The following RFC4 variants were observed in gnomAD, a reference collection of about 807,000 sequenced individuals.
The protein encoded by RFC4 is replication factor C subunit 4, also known as A1 37 kDa subunit.
A neutral mutation model predicts 47.6 loss-of-function variants in RFC4; 38 were observed. The ratio of observed to expected loss-of-function variants is 0.80; its 90% CI spans 0.62 to 1.05. The LOEUF (loss-of-function observed/expected upper bound fraction) is 1.05, where lower values mean the gene tolerates loss of function less well. RFC4 is among the 50% of genes least tolerant of loss of function. The probability of loss-of-function intolerance (pLI) is 0.00; values close to 1 mark genes in which losing one functional copy is unlikely to be tolerated. For synonymous variants in RFC4, 164 were observed against 150.0 expected, an observed-to-expected ratio of 1.09 and a Z score of -0.68; for missense variants, 489 against 434.0, an observed-to-expected ratio of 1.13 and a Z score of -1.13.
At chr3:186,792,669 T>A (rs1194527068) in intron 6 of RFC4, 59 bp from the exon 7 acceptor site, 4 of 1,575,694 alleles carry the variant, frequency 2.5e-6, no homozygotes, top group Middle Eastern at 1.7e-4. Context: ...CCAAAAGAAC[T>A]CATTTTTATC....
chr3:186,791,530 G>A, intron 8 of RFC4, 195 bp downstream of exon 8: 2 of 601,516 alleles, frequency 3.3e-6, no homozygotes, highest in Non-Finnish European at 3.0e-6. Flanking sequence ...TGAAATGTCT[G>A]TTACATGCCT....
intron 9 of RFC4, 33 bp downstream of exon 9, chr3:186,790,293 T>C (rs764585822): frequency 6.8e-6 from 11 of 1,611,616 alleles, no homozygotes; most frequent in Middle Eastern, 1.6e-4. Flanking sequence ...TGACTTAATA[T>C]TCCTTTCCCC....
chr3:186,806,376 G>C lies in RFC4; in HGVS notation c.-98C>G, dbSNP rs959491885. ...ACAAAAAGGACGAGATGGTCTCGAA[G>C]TCTTAGCTCCGTCACCTAATCTGAG... On this transcript the variant is annotated 5_prime_UTR_variant, in exon 1 of 11. Coordinates refer to ENST00000296273, the MANE Select transcript of RFC4 (RefSeq NM_002916.5). The C allele has an allele frequency of 3.3e-5, 5 of 152,288 alleles. No individual in the cohort carries two copies. The highest frequency in any genetic ancestry group is 7.3e-5 in the Non-Finnish European group (5 of 68,068). 9.4% of individuals were successfully genotyped at this position (152,288 alleles called of 1,614,324 possible). A position where few individuals can be genotyped will look rare whatever the true frequency, so the allele number is the denominator to read the frequency against.
chr3:186,794,377 T>C (rs1722201924), intron 5 of RFC4, among the ~76,000 whole-genome samples: 1 of 152,222 alleles, frequency 6.6e-6, no homozygotes, highest in African/African-American at 2.4e-5. Flanking sequence ...AAGGTGCATA[T>C]CAAAAATTAG....
rs2108468420 is a variant in RFC4, at chr3:186,792,530, A to T, written c.635T>A (p.Leu212Gln). ...GACATTTTCCTTCTTGGCAATGTCTAGTAATCGCTGCTGTTGAATTTTATC... is the reference window on the plus strand; with the variant it reads ...GACATTTTCCTTCTTGGCAATGTCTTGTAATCGCTGCTGTTGAATTTTATC... The part of the protein sequence containing the change: ...LSDKIQQQRL[L>Q]DIAKKENVKI... Residue 212 changes from leucine (L) to glutamine (Q), a missense_variant, in exon 7 of 11, where the codon CTA (leucine) becomes CAA (glutamine). Physicochemically the swap from Leu to Gln is moderately radical, Grantham distance 113 (BLOSUM62 -2). Around this residue, in one of 2 missense-constraint regions of RFC4, gnomAD observed 206 missense variants for 257.8 expected, o/e 0.80. Transcript: ENST00000296273. The T allele has an allele frequency of 6.2e-7, 1 of 1,613,338 alleles. No individual in the cohort carries two copies. Among genetic ancestry groups the T allele is most frequent in the Non-Finnish European group, 8.5e-7 (1 of 1,179,290 alleles).
At chr3:186,804,220 T>C (rs1245654429) in intron 2 of RFC4, among the ~76,000 whole-genome samples, 2 of 152,124 alleles carry the variant, frequency 1.3e-5, no homozygotes, top group Admixed American at 6.5e-5. Flanking sequence ...TTCCACCTAT[T>C]GTAATGAGAA....
intron 3 of RFC4, 28 bp downstream of exon 3, chr3:186,801,089 A>G (rs1477253608): frequency 6.6e-7 from 1 of 1,508,158 alleles, no homozygotes; most frequent in Non-Finnish European, 9.2e-7. Flanking sequence ...AAATATCCCA[A>G]TGACATTAAA....
Position 186,797,479 on chromosome 3 carries a change from A to T in RFC4, c.290+56T>A. On this transcript the variant is annotated intron_variant, in intron 4 of 10. Transcript: ENST00000296273. ...TTTTTAGAGGAAAAAAAGCAATATCAGAGAATTTTGGTGTCAAATCTTTAA... is the reference window on the plus strand; with the variant it reads ...TTTTTAGAGGAAAAAAAGCAATATCTGAGAATTTTGGTGTCAAATCTTTAA... The T allele has an allele frequency of 6.2e-6, 7 of 1,135,236 alleles. No individual in the cohort carries two copies. In the East Asian group the frequency reaches 1.6e-4, roughly 27 times the overall value. 70.3% of individuals were successfully genotyped at this position (1,135,236 alleles called of 1,614,324 possible).
chr3:186,792,854 C>T lies in RFC4; in HGVS notation c.504G>A (p.Glu168=). ...AGAATCGGGTGGTTTTCGACTCCTT[C>T]TCCATGGTACGTCTTAAAGCTGCCT... The part of the protein sequence containing the change: ...AAQAALRRTM[E]KESKTTRFCL... Residue 168 remains glutamate, a synonymous_variant, in exon 6 of 11, where the codon GAG becomes GAA. Coordinates refer to ENST00000296273, the MANE Select transcript of RFC4 (RefSeq NM_002916.5). 6.2e-7 allele frequency: 1 copy of T among 1,614,098 alleles called. No homozygotes were observed. The highest frequency in any genetic ancestry group is 8.5e-7 in the Non-Finnish European group (1 of 1,179,964).
chr3:186,789,925 A>T lies in RFC4; in HGVS notation c.*44T>A. The stretch of plus-strand genomic sequence containing the variant: ...TGCTTTTGGTCATTTTATTTTTATT[A>T]CAACTTCATTATTTACAAAACCCCC... On this transcript the variant is annotated 3_prime_UTR_variant, in exon 11 of 11. Coordinates refer to ENST00000296273, the MANE Select transcript of RFC4 (RefSeq NM_002916.5). 2 of 1,221,960 alleles carry T rather than the reference A, an allele frequency of 1.6e-6. No homozygotes were observed. The highest frequency in any genetic ancestry group is 2.4e-6 in the Non-Finnish European group (2 of 842,250). 75.7% of individuals were successfully genotyped at this position (1,221,960 alleles called of 1,614,324 possible).
In RFC4 at chr3:186,796,779, C is replaced by T. The variant is rs1722252423; in HGVS notation, c.290+756G>A. 6.6e-6 allele frequency among the ~76,000 whole-genome samples: 1 copy of T among 152,120 alleles called. No homozygotes were observed. The highest frequency in any genetic ancestry group is 6.5e-5 in the Admixed American group (1 of 15,274). ...ACAGATGTGAGCCACCACACCCAGCCTATTTTCATATGTAGGATTTCAGAT... is the reference window on the plus strand; with the variant it reads ...ACAGATGTGAGCCACCACACCCAGCTTATTTTCATATGTAGGATTTCAGAT... On this transcript the variant is annotated intron_variant, in intron 4 of 10. Coordinates refer to ENST00000296273, the MANE Select transcript of RFC4 (RefSeq NM_002916.5). The surrounding 1 kb of genome is among the most constrained non-coding windows in gnomAD (Gnocchi z 4.2).
intron 3 of RFC4, among the ~76,000 whole-genome samples, chr3:186,799,496 T>C (rs760062335): frequency 1.3e-5 from 2 of 152,086 alleles, no homozygotes; most frequent in Non-Finnish European, 2.9e-5. Context: ...AATCCCAGCA[T>C]TTTAGGTGGC....
chr3:186,790,834 T>C (rs1164603209), intron 8 of RFC4, among the ~76,000 whole-genome samples: 1 of 152,094 alleles, frequency 6.6e-6, no homozygotes, highest in African/African-American at 2.4e-5. Flanking sequence ...AAGTCCACAA[T>C]ATCCAGAAAA....
chr3:186,794,922 T>G (rs746873519), intron 4 of RFC4, 145 bp from the exon 5 acceptor site: 2 of 831,878 alleles, frequency 2.4e-6, no homozygotes, highest in Non-Finnish European at 3.7e-6. Context: ...CATTCTCGCT[T>G]CAGCAGAGTG....
chr3:186,797,331 A>G (rs1722263032), intron 4 of RFC4, among the ~76,000 whole-genome samples: 2 of 152,226 alleles, frequency 1.3e-5, no homozygotes, highest in African/African-American at 4.8e-5. Context: ...AAGATTCACA[A>G]TGAAGGTCAC....
At position 186,789,936 on chromosome 3, in the gene RFC4, ATTT is replaced by A; in HGVS notation, c.*30_*32del. On this transcript the variant is annotated 3_prime_UTR_variant, in exon 11 of 11. Transcript: ENST00000296273. ...ATTTTATTTTTATTACAACTTCATT[ATTT>A]ACAAAACCCCCCATCCAGATATATT... The A allele has an allele frequency of 7.6e-7, 1 of 1,321,580 alleles. No individual in the cohort carries two copies. The highest frequency in any genetic ancestry group is 1.1e-6 in the Non-Finnish European group (1 of 926,944). The allele number at this position is 1,321,580 out of a possible 1,614,324, so 81.9% of individuals were successfully genotyped here. A position where few individuals can be genotyped will look rare whatever the true frequency, so the allele number is the denominator to read the frequency against.
At chr3:186,798,687 C>T (rs2108471298) in intron 3 of RFC4, among the ~76,000 whole-genome samples, 1 of 152,192 alleles carries the variant, frequency 6.6e-6, no homozygotes, top group East Asian at 1.9e-4. Context: ...GCTCCCATGA[C>T]CTGGAGTCTG....
intron 2 of RFC4, among the ~76,000 whole-genome samples, chr3:186,803,726 G>A (rs1033929753): frequency 2.7e-5 from 4 of 150,288 alleles, no homozygotes; most frequent in Non-Finnish European, 5.9e-5. Flanking sequence ...TGGCCAGGCT[G>A]GTCTGGAACT....
chr3:186,791,456 CAAGACT>C (rs1027069350), intron 8 of RFC4: 26 of 393,396 alleles, frequency 6.6e-5, no homozygotes, highest in Non-Finnish European at 1.9e-5. Flanking sequence ...GGCGACACAG[CAAGACT>C]CTGTCTCAAA....
Sources: allele counts gnomAD v4.1 joint callset (sites outside exome capture counted in the v4.1 genomes callset), GRCh38; gene constraint gnomAD v4.1.1; regional missense constraint gnomAD v4.1.1; non-coding constraint Gnocchi (gnomAD v3.1); transcripts MANE v1.5; gene names NCBI Gene and HGNC (gene_info 2026-07-23, HGNC 2026-07-21).